GRID2: variants seen among roughly 807,000 people sequenced by gnomAD.
GRID2 encodes the protein glutamate receptor ionotropic, delta-2.
GRID2 carries 33 observed loss-of-function variants against 114.8 expected under a neutral mutation model. The ratio of observed to expected loss-of-function variants is 0.29; its 90% CI spans 0.22 to 0.38. The LOEUF is 0.38. GRID2 is among the 10% of genes least tolerant of loss of function. The probability of loss-of-function intolerance (pLI) is 1.00; values close to 1 mark genes in which losing one functional copy is unlikely to be tolerated. For synonymous variants in GRID2, 505 were observed against 449.9 expected (o/e 1.12, Z -1.55); for missense variants, 1,184 against 1,257.7 (o/e 0.94, Z 0.89).
Position 93,216,726 on chromosome 4 carries a change from C to T in GRID2, c.790-12C>T, listed in dbSNP as rs1169337626. 1.0e-5 allele frequency: 16 copies of T among 1,579,544 alleles called. No individual in the cohort carries two copies. The highest frequency in any genetic ancestry group is 1.4e-5 in the Non-Finnish European group (16 of 1,149,978). The stretch of plus-strand genomic sequence containing the variant: ...TAAAGTATCTCTAATTCTTCCACCT[C>T]TTATCTTATAGGAAATAAACGATGT... On this transcript the variant is annotated splice_polypyrimidine_tract_variant and intron_variant, in intron 5 of 15. Coordinates refer to ENST00000282020, the MANE Select transcript of GRID2 (RefSeq NM_001510.4).
At chr4:92,443,170 G>C (rs549108584) in intron 1 of GRID2, among the ~76,000 whole-genome samples, 2 of 152,164 alleles carry the variant, frequency 1.3e-5, no homozygotes, top group African/African-American at 4.8e-5. Context: ...GGAAGGGACT[G>C]ATGTGTAAAA....
chr4:93,283,675 T>C (rs1752876556), intron 8 of GRID2, among the ~76,000 whole-genome samples: 1 of 152,060 alleles, frequency 6.6e-6, no homozygotes, highest in Non-Finnish European at 1.5e-5. Context: ...ACTGGTGCAA[T>C]GAGAAGAACT....
intron 2 of GRID2, among the ~76,000 whole-genome samples, chr4:93,038,241 A>T (rs1725110785): frequency 6.6e-6 from 1 of 152,172 alleles, no homozygotes; most frequent in African/African-American, 2.4e-5. Context: ...GAGTTCACTC[A>T]TAATTTGGCT....
At chr4:93,803,091 G>A (rs1301763330) in intron 1 of GRID2, among the ~76,000 whole-genome samples, 1 of 152,180 alleles carries the variant, frequency 6.6e-6, no homozygotes, top group South Asian at 2.1e-4. Context: ...TACATGCAGT[G>A]GAATTTTGTA....
intron 14 of GRID2, among the ~76,000 whole-genome samples, chr4:93,654,206 T>C (rs890053746): frequency 6.6e-5 from 10 of 152,164 alleles, no homozygotes; most frequent in African/African-American, 2.4e-4. Flanking sequence ...TGACTTTCTA[T>C]ACCAGGAAAT....
intron 9 of GRID2, among the ~76,000 whole-genome samples, chr4:93,413,901 T>C (rs1194052726): frequency 6.6e-6 from 1 of 152,170 alleles, no homozygotes; most frequent in Non-Finnish European, 1.5e-5. Context: ...CTGTCTTTGG[T>C]TCCATATTGA....
intron 12 of GRID2, among the ~76,000 whole-genome samples, chr4:93,497,931 T>C (rs546156468): frequency 6.6e-6 from 1 of 151,890 alleles, no homozygotes; most frequent in East Asian, 1.9e-4. Context: ...ACATTTTTAA[T>C]ATGATGAGTC....
intron 14 of GRID2, among the ~76,000 whole-genome samples, chr4:93,629,009 C>T (rs1742998858): frequency 6.6e-6 from 1 of 152,106 alleles, no homozygotes; most frequent in South Asian, 2.1e-4. Flanking sequence ...TCAGGTGATC[C>T]TCCCGCCTCA....
At chr4:93,678,108 G>C (rs146412446) in intron 14 of GRID2, among the ~76,000 whole-genome samples, 1 of 152,156 alleles carries the variant, frequency 6.6e-6, no homozygotes, top group Admixed American at 6.5e-5. Flanking sequence ...GAAAGCCAAG[G>C]CTCGAGAACT....
chr4:93,005,664 G>A (rs1222651431), intron 2 of GRID2, among the ~76,000 whole-genome samples: 1 of 151,986 alleles, frequency 6.6e-6, no homozygotes. Context: ...TCTTTCAACT[G>A]ATTAATCATT....
At chr4:93,422,602 C>A (rs1052913196) in intron 9 of GRID2, among the ~76,000 whole-genome samples, 169 bp from the exon 10 acceptor site, 1 of 152,104 alleles carries the variant, frequency 6.6e-6, no homozygotes, top group Non-Finnish European at 1.5e-5. Flanking sequence ...AATGATTAAG[C>A]ATTGTTAAAT....
chr4:93,122,178 A>C (rs1733838491), intron 4 of GRID2, among the ~76,000 whole-genome samples: 1 of 152,192 alleles, frequency 6.6e-6, no homozygotes, highest in Non-Finnish European at 1.5e-5. Context: ...CTCCAAAATC[A>C]TGAAGATCTA....
intron 8 of GRID2, among the ~76,000 whole-genome samples, chr4:93,242,447 T>C (rs1747646372): frequency 6.6e-6 from 1 of 152,018 alleles, no homozygotes; most frequent in Non-Finnish European, 1.5e-5. Context: ...TGAAGCTTCA[T>C]CGGGTTATTT....
At position 93,678,781 on chromosome 4, in the gene GRID2, T is replaced by C. The variant is rs375767821; in HGVS notation, c.2360+52346T>C. ...CTAAAAGAGCTCCTGAAGGAAGCAC[T>C]AAACATGGAAAGGAACAATCAGTAC... On this transcript the variant is annotated intron_variant, in intron 14 of 15. Coordinates refer to ENST00000282020, the MANE Select transcript of GRID2 (RefSeq NM_001510.4). 5.3e-5 allele frequency among the ~76,000 whole-genome samples: 8 copies of C among 150,986 alleles called. No individual in the cohort carries two copies. In the East Asian group the frequency reaches 7.7e-4, roughly 15 times the overall value.
At chr4:93,129,035 C>CT (rs1734555703) in intron 4 of GRID2, among the ~76,000 whole-genome samples, 1 of 152,154 alleles carries the variant, frequency 6.6e-6, no homozygotes, top group South Asian at 2.1e-4. Context: ...ACCTATCAAC[C>CT]TAGCAGTCCA....
At chr4:93,553,030 T>C (rs1034016814) in intron 13 of GRID2, among the ~76,000 whole-genome samples, 2 of 152,130 alleles carry the variant, frequency 1.3e-5, no homozygotes, top group Non-Finnish European at 2.9e-5. Flanking sequence ...TCCAGTCTAT[T>C]ATTGATGGAC....
chr4:92,713,544 TTTTCATGCTGG>T (rs111462605), intron 2 of GRID2, among the ~76,000 whole-genome samples: 28,557 of 132,334 alleles, frequency 0.22, 3,463 homozygotes, highest in East Asian at 0.4. Context: ...TTGGATAGTG[TTTTCATGCTGG>T]ATTAGTCTGT....
At chr4:92,962,893 C>T (rs1480928297) in intron 2 of GRID2, among the ~76,000 whole-genome samples, 3 of 151,934 alleles carry the variant, frequency 2.0e-5, no homozygotes, top group African/African-American at 7.2e-5. Context: ...TCCTTACAGG[C>T]GTATCTTGCC....
At chr4:92,736,591 C>T (rs1224811438) in intron 2 of GRID2, among the ~76,000 whole-genome samples, 1 of 152,042 alleles carries the variant, frequency 6.6e-6, no homozygotes, top group African/African-American at 2.4e-5. Flanking sequence ...TTACCAAATA[C>T]AACAACATGC....
Sources: allele counts gnomAD v4.1 joint callset (sites outside exome capture counted in the v4.1 genomes callset), GRCh38; gene constraint gnomAD v4.1.1; transcripts MANE v1.5; gene names NCBI Gene and HGNC (gene_info 2026-07-23, HGNC 2026-07-21).